Variants in DSP observed in about 807,000 individuals in gnomAD.
DSP encodes the protein 250/210 kDa paraneoplastic pemphigus antigen.
A neutral mutation model predicts 290.6 loss-of-function variants in DSP; 114 were observed. That is an observed-to-expected ratio of 0.39 (90% confidence interval 0.34 to 0.46). The LOEUF (loss-of-function observed/expected upper bound fraction) is 0.46, where lower values mean the gene tolerates loss of function less well. Among genes scored for constraint, DSP ranks in the 20% least tolerant of loss-of-function variants. The pLI, the probability that DSP is intolerant of heterozygous loss-of-function variation, is 0.99. For missense variants in DSP, 3,230 were observed against 3,495.8 expected, an observed-to-expected ratio of 0.92 and a Z score of 1.92; for synonymous variants, 1,311 against 1,316.4, an observed-to-expected ratio of 1.00 and a Z score of 0.09.
At chr6:7,568,729 G>A in intron 11 of DSP, 140 bp downstream of exon 11, 1 of 938,618 alleles carries the variant, frequency 1.1e-6, no homozygotes, top group Non-Finnish European at 1.7e-6. Flanking sequence ...AGCAGCTATG[G>A]AACAAAAGCA....
In DSP at chr6:7,579,971, T is replaced by C. The variant is rs773679074; in HGVS notation, c.3781T>C (p.Leu1261=). 6.2e-7 allele frequency: 1 copy of C among 1,614,122 alleles called. No homozygotes were observed. Residue 1261 remains leucine, a synonymous_variant, in exon 23 of 24, where the codon TTG becomes CTG. Transcript: ENST00000379802. The surrounding 1 kb of genome is among the most constrained non-coding windows in gnomAD (Gnocchi z 4.1). ...AATTGTCAGGCTCAATGACAGCATC[T>C]TGCAGGCCACTGAGCAGCGAAGGCG... ...DEIVRLNDSI[L]QATEQRRRAE...
In DSP at chr6:7,581,090, C is replaced by T. The variant is rs973569441; in HGVS notation, c.4900C>T (p.Arg1634Trp). The change falls in exon 23 of 24, where the codon CGG becomes TGG. Residue 1634 changes from arginine to tryptophan, a missense_variant. Physicochemically the swap from Arg to Trp is moderately radical, Grantham distance 101 (BLOSUM62 -3). Around this residue, in one of 5 missense-constraint regions of DSP, gnomAD observed 1,714 missense variants for 1,844.5 expected, o/e 0.93. Coordinates refer to ENST00000379802, the MANE Select transcript of DSP (RefSeq NM_004415.4). ...IVKKRSEDDLRQQRDVLDGHL... is the reference protein window; with the variant it reads ...IVKKRSEDDLWQQRDVLDGHL... ...TAAGAAGAGGAGTGAGGATGACCTC[C>T]GGCAGCAGAGGGACGTGCTGGATGG... 2.5e-5 allele frequency: 40 copies of T among 1,614,010 alleles called. No individual in the cohort carries two copies. The highest frequency in any genetic ancestry group is 3.3e-5 in the Non-Finnish European group (39 of 1,180,032).
In DSP at chr6:7,582,380, A is replaced by G. The variant is rs1439949476; in HGVS notation, c.5380-262A>G. 6.6e-6 allele frequency among the ~76,000 whole-genome samples: 1 copy of G among 151,796 alleles called. No individual in the cohort carries two copies. The highest frequency in any genetic ancestry group is 1.5e-5 in the Non-Finnish European group (1 of 67,960). On this transcript the variant is annotated intron_variant, in intron 23 of 23. Transcript: ENST00000379802. This position sits in a 1 kb window ranked among gnomAD's most constrained non-coding sequence, Gnocchi z 4.2. ...AAGCATAATTATTGTTAAGAGTAAG[A>G]CAGGTCTGCAACTTACAGTTCCTTC...
At chr6:7,567,502 T>G in intron 9 of DSP, 53 bp downstream of exon 9, 1 of 1,418,704 alleles carries the variant, frequency 7.0e-7, no homozygotes, top group Admixed American at 1.7e-5. Context: ...ATACCTAATC[T>G]TTTGAGTGTG....
intron 15 of DSP, among the ~76,000 whole-genome samples, chr6:7,572,450 A>T (rs1303297948): frequency 6.6e-6 from 1 of 152,180 alleles, no homozygotes; most frequent in Non-Finnish European, 1.5e-5. Flanking sequence ...ACAGAGTGTG[A>T]CTATGGCCCA....
chr6:7,567,371 G>A lies in DSP; in HGVS notation c.1062G>A (p.Leu354=). The change falls in exon 9 of 24, where the codon CTG becomes CTA. Residue 354 remains leucine (L), a synonymous_variant. Transcript: ENST00000379802. ...TGTTTCAGGCCTATATGGACACTCT[G>A]CAGACGCAGTGGAGTTGGATTCTTC... ...SDKIEAYMDT[L]QTQWSWILQI... The A allele has an allele frequency of 6.2e-7, 1 of 1,614,010 alleles. No homozygotes were observed. The highest frequency in any genetic ancestry group is 8.5e-7 in the Non-Finnish European group (1 of 1,179,988).
At chr6:7,564,514 T>A (rs17142990) in intron 6 of DSP, among the ~76,000 whole-genome samples, 5,432 of 152,304 alleles carry the variant, frequency 0.036, 313 homozygotes, top group African/African-American at 0.12. Context: ...AAAGCTTGAT[T>A]TCTCTAACAG....
chr6:7,566,466 T>G lies in DSP; in HGVS notation c.1029T>G (p.Ala343=), dbSNP rs528424352. The part of the protein sequence containing the change: ...SDQLVLNQHP[A]SDKIEAYMDT... ...AACTTGTCCTCAATCAGCATCCAGC[T>G]TCAGACAAAATTGAGGTAGGCTTCA... is the stretch of plus-strand genomic sequence containing the variant. The change falls in exon 8 of 24, where the codon GCT becomes GCG. Residue 343 remains alanine (A), a synonymous_variant. Transcript: ENST00000379802. The G allele has an allele frequency of 6.2e-7, 1 of 1,613,888 alleles. No individual in the cohort carries two copies. Among genetic ancestry groups the G allele is most frequent in the South Asian group, 1.1e-5 (1 of 91,070 alleles).
intron 8 of DSP, 64 bp downstream of exon 8, chr6:7,566,545 C>A: frequency 7.8e-7 from 1 of 1,282,924 alleles, no homozygotes; most frequent in Non-Finnish European, 1.1e-6. Flanking sequence ...GTAAGACTAA[C>A]CAAATGAGTA....
intron 3 of DSP, among the ~76,000 whole-genome samples, chr6:7,558,701 A>G (rs1026859980): frequency 2.6e-5 from 4 of 151,976 alleles, no homozygotes; most frequent in African/African-American, 9.7e-5. Context: ...TTTTGTGGAG[A>G]CAGGGTTTTG....
intron 8 of DSP, among the ~76,000 whole-genome samples, chr6:7,566,864 G>C (rs923082548): frequency 1.1e-4 from 16 of 152,204 alleles, no homozygotes; most frequent in African/African-American, 3.4e-4. Context: ...TTTGGGCCAC[G>C]CTCAAGGCTG....
At chr6:7,571,252 A>G in intron 13 of DSP, 131 bp from the exon 14 acceptor site, 3 of 874,924 alleles carry the variant, frequency 3.4e-6, no homozygotes, top group South Asian at 1.4e-5. Context: ...AAGACCTTTT[A>G]TATCTTAATG....
Position 7,585,576 on chromosome 6 carries a change from A to G in DSP, c.8314A>G (p.Lys2772Glu), listed in dbSNP as rs758813506. The G allele has an allele frequency of 1.9e-6, 3 of 1,614,230 alleles. No homozygotes were observed. The highest frequency in any genetic ancestry group is 2.2e-5 in the South Asian group (2 of 91,080). Residue 2772 changes from lysine to glutamate, a missense_variant, in exon 24 of 24, where the codon AAA becomes GAA. Transcript: ENST00000379802. ...QRLQDTSSYA[K>E]ILTCPKTKLK... ...GCTGCAAGACACCAGCAGCTATGCC[A>G]AAATCCTGACCTGCCCCAAAACCAA...
At chr6:7,573,586 A>C (rs1581808095) in intron 15 of DSP, among the ~76,000 whole-genome samples, 1 of 152,108 alleles carries the variant, frequency 6.6e-6, no homozygotes, top group African/African-American at 2.4e-5. Flanking sequence ...TCAAAAAAAA[A>C]AAAAAGAAAG....
At chr6:7,559,110 T>C in intron 3 of DSP, 116 bp from the exon 4 acceptor site, 1 of 1,198,652 alleles carries the variant, frequency 8.3e-7, no homozygotes, top group South Asian at 1.3e-5. Context: ...TCAAATACCA[T>C]AAAACATTTG....
In DSP at chr6:7,569,266, C is replaced by G. The variant is rs762086998; in HGVS notation, c.1500C>G (p.Gly500=). The G allele has an allele frequency of 2.5e-6, 4 of 1,614,006 alleles. No individual in the cohort carries two copies. Among genetic ancestry groups the G allele is most frequent in the Non-Finnish European group, 3.4e-6 (4 of 1,180,018 alleles). ...RSKWYVTGPG[G]VDMLVPSVGL... is the part of the protein sequence containing the mutation. Reference sequence around the variant, plus strand: ...AGTGGTACGTGACGGGCCCGGGAGGCGTTGACATGCTTGTTCCCTCTGTGG... The same window carrying G: ...AGTGGTACGTGACGGGCCCGGGAGGGGTTGACATGCTTGTTCCCTCTGTGG... The change falls in exon 12 of 24, where the codon GGC becomes GGG. Residue 500 remains glycine, a synonymous_variant. Coordinates refer to ENST00000379802, the MANE Select transcript of DSP (RefSeq NM_004415.4).
intron 10 of DSP, 24 bp from the exon 11 acceptor site, chr6:7,568,413 G>T: frequency 6.2e-7 from 1 of 1,613,520 alleles, no homozygotes; most frequent in Non-Finnish European, 8.5e-7. Context: ...CTATGTTTAA[G>T]TATGATTTTA....
Position 7,574,721 on chromosome 6 carries a change from G to C in DSP, c.2362G>C (p.Glu788Gln). The C allele has an allele frequency of 6.2e-7, 1 of 1,614,152 alleles. No individual in the cohort carries two copies. The highest frequency in any genetic ancestry group is 8.5e-7 in the Non-Finnish European group (1 of 1,180,016). ...LQTEDMLKVY[E>Q]ARLTEEETVC... is the part of the protein sequence containing the mutation. ...AACAGAAGACATGTTAAAGGTTTAT[G>C]AAGCCAGGCTCACTGAGGAGGAAAC... The change falls in exon 17 of 24, where the codon GAA becomes CAA. Residue 788 changes from glutamate (E) to glutamine (Q), a missense_variant. Physicochemically the swap from Glu to Gln is conservative, Grantham distance 29. Coordinates refer to ENST00000379802, the MANE Select transcript of DSP (RefSeq NM_004415.4).
intron 7 of DSP, 40 bp from the exon 8 acceptor site, chr6:7,566,337 A>T (rs1375343705): frequency 6.5e-7 from 1 of 1,544,926 alleles, no homozygotes; most frequent in African/African-American, 1.4e-5. Flanking sequence ...AAGTTTAATG[A>T]TGACTTGCTG....
Sources: allele counts gnomAD v4.1 joint callset (sites outside exome capture counted in the v4.1 genomes callset), GRCh38; gene constraint gnomAD v4.1.1; regional missense constraint gnomAD v4.1.1; non-coding constraint Gnocchi (gnomAD v3.1); transcripts MANE v1.5; gene names NCBI Gene and HGNC (gene_info 2026-07-23, HGNC 2026-07-21).